The following DPH6 variants were observed in gnomAD, a reference collection of about 807,000 sequenced individuals.
DPH6 encodes the protein diphthamine biosynthesis 6, also known as diphthine--ammonia ligase.
A neutral mutation model predicts 38.2 loss-of-function variants in DPH6; 33 were observed. The ratio of observed to expected loss-of-function variants is 0.86; its 90% CI spans 0.65 to 1.15. DPH6 has a LOEUF of 1.15. Among genes scored for constraint, DPH6 ranks in the 50% most tolerant of loss-of-function variants. The probability of loss-of-function intolerance (pLI) is 0.00; values close to 1 mark genes in which losing one functional copy is unlikely to be tolerated. For synonymous variants in DPH6, 108 were observed against 103.0 expected, an observed-to-expected ratio of 1.05 and a Z score of -0.30; for missense variants, 325 against 320.0, an observed-to-expected ratio of 1.02 and a Z score of -0.12.
downstream of DPH6, among the ~76,000 whole-genome samples, chr15:35,370,494 A>G (rs2052701895): frequency 6.6e-6 from 1 of 151,766 alleles, no homozygotes; most frequent in Non-Finnish European, 1.5e-5. Context: ...ACTCAATAAT[A>G]AGACAAAAAC....
At position 35,442,042 on chromosome 15, in the gene DPH6, C is replaced by T. The variant is rs548200208; in HGVS notation, c.505+8643G>A. On this transcript the variant is annotated intron_variant, in intron 5 of 8. Coordinates refer to ENST00000256538, the MANE Select transcript of DPH6 (RefSeq NM_080650.4). ...AACAAAAAAATGATAAATTGGACTACGTCAAAACTAAAAATGTTTATGCTT... is the reference window on the plus strand; with the variant it reads ...AACAAAAAAATGATAAATTGGACTATGTCAAAACTAAAAATGTTTATGCTT... Among the ~76,000 whole-genome samples, 5 of 151,842 alleles carry T rather than the reference C, an allele frequency of 3.3e-5. No individual in the cohort carries two copies. In the South Asian group the frequency reaches 8.3e-4, roughly 25 times the overall value.
At chr15:35,486,962 A>C (rs1339661929) in intron 3 of DPH6, among the ~76,000 whole-genome samples, 1 of 152,102 alleles carries the variant, frequency 6.6e-6, no homozygotes, top group Non-Finnish European at 1.5e-5. Context: ...AAGGGCCTAC[A>C]AGCCCCATGC....
chr15:35,329,964 G>A (rs186208302), downstream of DPH6, among the ~76,000 whole-genome samples: 85 of 152,178 alleles, frequency 5.6e-4, no homozygotes, highest in African/African-American at 2.0e-3. Flanking sequence ...AAATATGTTT[G>A]GATTGGCAGA....
chr15:35,500,044 A>G (rs1480189353), intron 3 of DPH6, among the ~76,000 whole-genome samples: 1 of 152,178 alleles, frequency 6.6e-6, no homozygotes, highest in South Asian at 2.1e-4. Context: ...TATGATCTTA[A>G]AGGAGGTGTC....
the DPH6 span, among the ~76,000 whole-genome samples, chr15:35,179,368 G>A: frequency 6.6e-6 from 1 of 151,752 alleles, no homozygotes; most frequent in Non-Finnish European, 1.5e-5. Flanking sequence ...GAAAATAATT[G>A]GAAATATATA....
At chr15:35,348,923 T>C (rs1297771237) in intron 3 of DPH6, among the ~76,000 whole-genome samples, 2 of 152,158 alleles carry the variant, frequency 1.3e-5, no homozygotes, top group Admixed American at 6.5e-5. Flanking sequence ...AAATTATATT[T>C]GTTTTCTTAA....
chr15:35,364,787 C>A (rs1326931000), intron 3 of DPH6, among the ~76,000 whole-genome samples: 2 of 151,668 alleles, frequency 1.3e-5, no homozygotes, highest in Non-Finnish European at 2.9e-5. Flanking sequence ...CATAAGACTT[C>A]TTGAATCTAT....
the DPH6 span, among the ~76,000 whole-genome samples, chr15:35,171,431 A>C: frequency 1.3e-5 from 2 of 152,244 alleles, no homozygotes; most frequent in African/African-American, 2.4e-5. Context: ...CATATTTAGT[A>C]AATTAAAAAT....
chr15:35,525,387 C>A (rs765477426), intron 3 of DPH6, among the ~76,000 whole-genome samples: 1 of 152,078 alleles, frequency 6.6e-6, no homozygotes, highest in East Asian at 1.9e-4. Context: ...ATCTTAATGT[C>A]TTCCTTGAGA....
At position 35,279,994 on chromosome 15, in the gene DPH6, A is replaced by G. The variant is rs532890141; in HGVS notation, n.201-59412T>C. On this transcript the variant is annotated intron_variant and non_coding_transcript_variant, in intron 3 of 3. Transcript: ENST00000560386. ...CACACACATGTACCAGGGAAAGGCC[A>G]TATGAGGACACAGTGAGAAGACAGA... 4.1e-4 allele frequency among the ~76,000 whole-genome samples: 63 copies of G among 152,328 alleles called. No homozygotes were observed. In the South Asian group the frequency reaches 7.3e-3, roughly 18 times the overall value.
the DPH6 span, among the ~76,000 whole-genome samples, chr15:35,148,737 T>G: frequency 6.6e-6 from 1 of 152,220 alleles, no homozygotes; most frequent in African/African-American, 2.4e-5. Context: ...ATTCGATCTA[T>G]GATACTTTCA....
At chr15:35,240,889 G>A (rs866278053) in intron 3 of DPH6, among the ~76,000 whole-genome samples, 5 of 142,790 alleles carry the variant, frequency 3.5e-5, no homozygotes, top group Admixed American at 7.6e-5. Flanking sequence ...AATTAACCTC[G>A]CCTTCAAGGT....
downstream of DPH6, among the ~76,000 whole-genome samples, chr15:35,327,462 C>T (rs2052293120): frequency 6.6e-6 from 1 of 151,686 alleles, no homozygotes; most frequent in South Asian, 2.1e-4. Flanking sequence ...TCTCCTGCCT[C>T]AGCCTCCTGA....
downstream of DPH6, among the ~76,000 whole-genome samples, chr15:35,368,458 T>C (rs2052680768): frequency 6.6e-6 from 1 of 151,940 alleles, no homozygotes. Context: ...TTGTGGAATT[T>C]TGTGCAGGGA....
rs529628485 is a variant in DPH6 at position 35,486,534 on chromosome 15, G to A, written c.313-31714C>T. On this transcript the variant is annotated intron_variant, in intron 3 of 8. Transcript: ENST00000256538. ...ACACTTTTAAATCATCAGATCTCAA[G>A]AGAACTCATGTACTATCATGAGAAC... 4.0e-5 allele frequency among the ~76,000 whole-genome samples: 6 copies of A among 150,030 alleles called. No homozygotes were observed. The South Asian group carries it at 6.2e-4, about 16-fold the overall frequency.
chr15:35,358,708 T>G (rs2052589228), intron 3 of DPH6, among the ~76,000 whole-genome samples: 1 of 152,184 alleles, frequency 6.6e-6, no homozygotes, highest in African/African-American at 2.4e-5. Flanking sequence ...TATTGGGGGT[T>G]GTCTGCACTG....
chr15:35,395,035 A>G (rs1204260136), intron 6 of DPH6, among the ~76,000 whole-genome samples: 2 of 152,200 alleles, frequency 1.3e-5, no homozygotes, highest in Non-Finnish European at 2.9e-5. Context: ...CCTTTGGTTT[A>G]TATGTTATAA....
chr15:35,414,752 C>A (rs1427445049), intron 5 of DPH6, among the ~76,000 whole-genome samples: 1 of 151,144 alleles, frequency 6.6e-6, no homozygotes, highest in African/African-American at 2.4e-5. Context: ...TTCTGCTGCA[C>A]TCATTCTCTC....
intron 6 of DPH6, among the ~76,000 whole-genome samples, chr15:35,404,658 T>C (rs746702051): frequency 1.4e-4 from 21 of 152,284 alleles, no homozygotes; most frequent in Non-Finnish European, 2.9e-4. Flanking sequence ...TGCAAATATT[T>C]TGTCCCATTC....
Sources: allele counts gnomAD v4.1 joint callset (sites outside exome capture counted in the v4.1 genomes callset), GRCh38; gene constraint gnomAD v4.1.1; transcripts MANE v1.5; gene names NCBI Gene and HGNC (gene_info 2026-07-23, HGNC 2026-07-21).